The following USP48 variants were observed in gnomAD, a reference collection of about 807,000 sequenced individuals.
USP48 encodes the protein ubiquitin carboxyl-terminal hydrolase 48.
A neutral mutation model predicts 150.7 loss-of-function variants in USP48; 43 were observed. The observed-to-expected ratio is 0.29, with a 90% CI of 0.22 to 0.37. The LOEUF (loss-of-function observed/expected upper bound fraction) is 0.37. USP48 is among the 10% of genes least tolerant of loss of function. USP48 has a pLI of 1.00. For missense variants in USP48, 813 were observed against 1,249.6 expected (o/e 0.65, Z 5.27); for synonymous variants, 396 against 425.9 (o/e 0.93, Z 0.86).
At chr1:21,681,687 G>A (rs1221902925) in intron 25 of USP48, among the ~76,000 whole-genome samples, 1 of 152,194 alleles carries the variant, frequency 6.6e-6, no homozygotes, top group Non-Finnish European at 1.5e-5. Flanking sequence ...TTGTTGTTAA[G>A]CCAGTCTCCA....
intron 12 of USP48, among the ~76,000 whole-genome samples, chr1:21,723,463 G>A (rs1041998800): frequency 6.6e-6 from 1 of 150,700 alleles, no homozygotes. Context: ...GCAGTGAGTC[G>A]AGATTGAGCC....
At chr1:21,763,049 C>T (rs2097853750) in intron 1 of USP48, among the ~76,000 whole-genome samples, 2 of 151,916 alleles carry the variant, frequency 1.3e-5, no homozygotes, top group Admixed American at 6.6e-5. Flanking sequence ...CTGTCCCCAC[C>T]CAAAAATCAT....
At chr1:21,692,956 T>C (rs1383276543) in intron 23 of USP48, among the ~76,000 whole-genome samples, 59 of 152,270 alleles carry the variant, frequency 3.9e-4, no homozygotes, top group Admixed American at 3.8e-3. Flanking sequence ...AGAGGTCTGC[T>C]TAACAAGTAG....
At chr1:21,779,320 G>A (rs569612531) in intron 1 of USP48, among the ~76,000 whole-genome samples, 3 of 152,156 alleles carry the variant, frequency 2.0e-5, no homozygotes, top group South Asian at 4.2e-4. Context: ...CGAGGTAGGT[G>A]GATCACCTGA....
chr1:21,744,761 AAT>A (rs1571945086), intron 8 of USP48, among the ~76,000 whole-genome samples: 2 of 136,106 alleles, frequency 1.5e-5, no homozygotes, highest in South Asian at 2.5e-4. Flanking sequence ...TGGGCAACAG[AAT>A]GAAACTCTAT....
chr1:21,698,031 G>C (rs916021955), intron 22 of USP48, among the ~76,000 whole-genome samples: 1 of 152,088 alleles, frequency 6.6e-6, no homozygotes, highest in African/African-American at 2.4e-5. Flanking sequence ...ATCTAGCTTA[G>C]AGAAAAGAGG....
Position 21,704,287 on chromosome 1 carries a change from T to C in USP48, c.2490A>G (p.Ser830=), listed in dbSNP as rs1264030519. The change falls in exon 20 of 27, where the codon TCA becomes TCG. Residue 830 remains serine, a synonymous_variant. Transcript: ENST00000308271. ...TGGGCTCAGAAATATACTGTGTTTC[T>C]GAAGGGTTTACATCTCCCACTTCAA... ...TRIEVGDVNP[S]ETQYISEPKL... is the part of the protein sequence containing the mutation. 6.2e-7 allele frequency: 1 copy of C among 1,613,456 alleles called. No individual in the cohort carries two copies. Among genetic ancestry groups the C allele is most frequent in the South Asian group, 1.1e-5 (1 of 90,892 alleles).
chr1:21,780,738 A>AT (rs34071636), intron 1 of USP48, among the ~76,000 whole-genome samples: 9,572 of 117,324 alleles, frequency 0.082, 754 homozygotes, highest in East Asian at 0.2. Flanking sequence ...AGATAAGATA[A>AT]TTTTTTTTTT....
At position 21,725,653 on chromosome 1, in the gene USP48, T is replaced by C. The variant is rs189423903; in HGVS notation, c.1451-1558A>G. Among the ~76,000 whole-genome samples, 3 of 151,732 alleles carry C rather than the reference T, an allele frequency of 2.0e-5. No individual in the cohort carries two copies. In the East Asian group the frequency reaches 5.8e-4, roughly 29 times the overall value. On this transcript the variant is annotated intron_variant, in intron 11 of 26. Coordinates refer to ENST00000308271, the MANE Select transcript of USP48 (RefSeq NM_032236.8). ...CTGTAATACCAGCTATTCGGGAGGC[T>C]GAGGCAGGAGAATCACTTGAACCCG...
intron 9 of USP48, chr1:21,732,577 TGTA>T (rs775405495): frequency 9.7e-6 from 2 of 206,154 alleles, no homozygotes; most frequent in African/African-American, 4.7e-5. Context: ...TTATCAATTA[TGTA>T]GTAATATTCA....
chr1:21,703,623 G>T lies in USP48; in HGVS notation c.2516-5C>A. The T allele has an allele frequency of 6.3e-7, 1 of 1,576,240 alleles. No individual in the cohort carries two copies. The highest frequency in any genetic ancestry group is 8.6e-7 in the Non-Finnish European group (1 of 1,165,568). ...CTCTGCATTCTGGACAGAGTTCTTT[G>T]GGGGAAAAAAAAAAAGGGAAAACAG... On this transcript the variant is annotated splice_region_variant and splice_polypyrimidine_tract_variant and intron_variant, in intron 20 of 26. Coordinates refer to ENST00000308271, the MANE Select transcript of USP48 (RefSeq NM_032236.8).
At chr1:21,752,687 C>T (rs1277323854) in intron 4 of USP48, 36 bp from the exon 5 acceptor site, 2 of 1,563,320 alleles carry the variant, frequency 1.3e-6, no homozygotes, top group Non-Finnish European at 1.7e-6. Flanking sequence ...AAAATCATAT[C>T]TTGCTTTTCA....
At chr1:21,713,992 GAGATAATCC>G (rs2097697433) in intron 15 of USP48, among the ~76,000 whole-genome samples, 1 of 152,132 alleles carries the variant, frequency 6.6e-6, no homozygotes, top group South Asian at 2.1e-4. Flanking sequence ...AAAGTGCAGT[GAGATAATCC>G]AGAATGCTAG....
chr1:21,696,905 A>AC (rs1434757833), intron 22 of USP48, among the ~76,000 whole-genome samples: 1 of 2,278 alleles, frequency 4.4e-4, no homozygotes, highest in Non-Finnish European at 8.7e-4. Context: ...GCGGTGGGGG[A>AC]TGGGGGGTGA....
chr1:21,701,194 G>A lies in USP48; in HGVS notation c.2727+304C>T, dbSNP rs374347955. 2.3e-4 allele frequency among the ~76,000 whole-genome samples: 35 copies of A among 150,878 alleles called. No individual in the cohort carries two copies. The East Asian group carries it at 5.2e-3, about 23-fold the overall frequency. The stretch of plus-strand genomic sequence containing the variant: ...AGCCTGGCCAACACAGTGAAACCCC[G>A]TCTCTACTAAAAATATAAAAAATTA... On this transcript the variant is annotated intron_variant, in intron 22 of 26. Transcript: ENST00000308271.
chr1:21,782,749 T>TC, intron 1 of USP48, 75 bp downstream of exon 1: 1 of 1,448,648 alleles, frequency 6.9e-7, no homozygotes, highest in Non-Finnish European at 9.1e-7. Context: ...GCTGCCGTCT[T>TC]CCTTTCCCCT....
At chr1:21,691,389 T>C (rs2097599969) in intron 23 of USP48, among the ~76,000 whole-genome samples, 1 of 151,730 alleles carries the variant, frequency 6.6e-6, no homozygotes, top group Non-Finnish European at 1.5e-5. Flanking sequence ...ATACCAGCAC[T>C]TTGAGAGGCT....
intron 22 of USP48, among the ~76,000 whole-genome samples, 171 bp from the exon 23 acceptor site, chr1:21,695,392 T>C (rs1260703252): frequency 6.6e-6 from 1 of 152,152 alleles, no homozygotes; most frequent in Non-Finnish European, 1.5e-5. Flanking sequence ...CAGGCTCACA[T>C]AAAATTGATA....
At position 21,702,842 on chromosome 1, in the gene USP48, C is replaced by G. The variant is rs536870038; in HGVS notation, c.2622+670G>C. ...GTCACGCTAGCCACATCGAATGCTC[C>G]ACAGCCACACATGGCCAGTGACTAC... On this transcript the variant is annotated intron_variant, in intron 21 of 26. Coordinates refer to ENST00000308271, the MANE Select transcript of USP48 (RefSeq NM_032236.8). Among the ~76,000 whole-genome samples the G allele has an allele frequency of 7.9e-5, 12 of 152,330 alleles. No individual in the cohort carries two copies. In the South Asian group the frequency reaches 2.5e-3, roughly 32 times the overall value.
Sources: gnomAD v4.1 joint callset for allele counts (sites outside exome capture counted in the v4.1 genomes callset) on GRCh38, gnomAD v4.1.1 for gene constraint, MANE v1.5 for transcripts, NCBI Gene and HGNC (gene_info 2026-07-23, HGNC 2026-07-21) for gene names.